Variants in ABCB11 observed in about 807,000 individuals in gnomAD.
The protein encoded by ABCB11 is ATP binding cassette subfamily B member 11.
In ABCB11, 95 loss-of-function variants were observed where a neutral mutation model predicts 148.0. That is an observed-to-expected ratio of 0.64 (90% confidence interval 0.54 to 0.76). The LOEUF is 0.76. Among genes scored for constraint, ABCB11 ranks in the 30% least tolerant of loss-of-function variants. The pLI, the probability that ABCB11 is intolerant of heterozygous loss-of-function variation, is 0.00. For synonymous variants in ABCB11, 591 were observed against 555.4 expected (o/e 1.06, Z -0.90); for missense variants, 1,523 against 1,617.8 (o/e 0.94, Z 1.01).
In ABCB11 at chr2:168,969,488, T is replaced by A; in HGVS notation, c.1873A>T (p.Thr625Ser). ...GTGCCATGTTCAAAACCAATGATGG[T>A]ATCTGCAGCTCTGACCGTAGACAAG... ...HRLSTVRAADTIIGFEHGTAV... is the reference protein window; with the variant it reads ...HRLSTVRAADSIIGFEHGTAV... The change falls in exon 16 of 28, where the codon ACC becomes TCC. Residue 625 changes from threonine to serine, a missense_variant. By Grantham distance (58) the Thr-to-Ser change is moderately conservative (BLOSUM62 1). Transcript: ENST00000650372. 1 of 1,612,616 alleles carries A rather than the reference T, an allele frequency of 6.2e-7. No homozygotes were observed. The highest frequency in any genetic ancestry group is 8.5e-7 in the Non-Finnish European group (1 of 1,179,218).
At chr2:168,976,742 C>G in intron 11 of ABCB11, 55 bp from the exon 12 acceptor site, 1 of 1,030,566 alleles carries the variant, frequency 9.7e-7, no homozygotes. Context: ...ATGCACAACT[C>G]AATTCAAATT....
chr2:168,920,117 C>A (rs890001093), downstream of ABCB11, among the ~76,000 whole-genome samples: 1 of 152,118 alleles, frequency 6.6e-6, no homozygotes, highest in Admixed American at 6.5e-5. Context: ...CCTCTTGCCT[C>A]GGCCTCCTAA....
chr2:168,921,254 A>G lies in ABCB11; in HGVS notation c.*2368T>C, dbSNP rs1691066837. Reference sequence around the variant, plus strand: ...AACTTGCTAAACCATCTTTGCTGTTATATACCAGGAAACACTGGAAAAGAG... The same window carrying G: ...AACTTGCTAAACCATCTTTGCTGTTGTATACCAGGAAACACTGGAAAAGAG... On this transcript the variant is annotated 3_prime_UTR_variant, in exon 28 of 28. Transcript: ENST00000650372. Among the ~76,000 whole-genome samples the G allele has an allele frequency of 6.6e-6, 1 of 152,208 alleles. No homozygotes were observed.
intron 19 of ABCB11, among the ~76,000 whole-genome samples, chr2:168,949,512 G>C (rs1045509643): frequency 6.6e-6 from 1 of 151,612 alleles, no homozygotes; most frequent in Admixed American, 6.6e-5. Context: ...TTCTGTCCAT[G>C]TTGCTGCAAA....
chr2:168,932,037 G>A (rs569249381), intron 24 of ABCB11, among the ~76,000 whole-genome samples: 1 of 151,906 alleles, frequency 6.6e-6, no homozygotes, highest in African/African-American at 2.4e-5. Flanking sequence ...TTTAAGTTCT[G>A]GGGTAGATGT....
At chr2:168,944,252 G>A (rs1350312906) in intron 21 of ABCB11, among the ~76,000 whole-genome samples, 1 of 149,946 alleles carries the variant, frequency 6.7e-6, no homozygotes, top group Non-Finnish European at 1.5e-5. Flanking sequence ...TGTGAGTAAG[G>A]AGACTTCCTT....
chr2:168,993,578 C>CT (rs1256323697), intron 8 of ABCB11, 133 bp downstream of exon 8: 12 of 785,872 alleles, frequency 1.5e-5, no homozygotes, highest in Non-Finnish European at 2.4e-5. Flanking sequence ...GGGGAGTAAT[C>CT]TAACAAACTA....
chr2:169,014,156 G>T, intron 4 of ABCB11, 147 bp downstream of exon 4: 1 of 757,382 alleles, frequency 1.3e-6, no homozygotes, highest in Non-Finnish European at 2.3e-6. Flanking sequence ...TATTCAGCAT[G>T]TTATCACATA....
At chr2:168,996,610 T>C (rs1429263762) in intron 6 of ABCB11, 25 bp downstream of exon 6, 10 of 1,369,874 alleles carry the variant, frequency 7.3e-6, no homozygotes, top group African/African-American at 1.5e-5. Flanking sequence ...TATTGATCTA[T>C]AAATTATACG....
At chr2:168,979,200 A>C (rs1479794630) in intron 11 of ABCB11, among the ~76,000 whole-genome samples, 1 of 152,060 alleles carries the variant, frequency 6.6e-6, no homozygotes, top group African/African-American at 2.4e-5. Flanking sequence ...ATTCAGTTGC[A>C]CTGGGCTTGT....
chr2:168,959,974 C>A (rs1238555523), intron 18 of ABCB11, among the ~76,000 whole-genome samples: 1 of 145,112 alleles, frequency 6.9e-6, no homozygotes, highest in Non-Finnish European at 1.5e-5. Context: ...AATATGAACA[C>A]TGTGATTCAG....
At position 168,953,418 on chromosome 2, in the gene ABCB11, T is replaced by C. The variant is rs59910929; in HGVS notation, c.2343+4546A>G. 2.3e-3 allele frequency among the ~76,000 whole-genome samples: 345 copies of C among 151,428 alleles called. 1 individual carries two copies. The highest frequency in any genetic ancestry group is 7.7e-3 in the African/African-American group (319 of 41,340). On this transcript the variant is annotated intron_variant, in intron 19 of 27. Coordinates refer to ENST00000650372, the MANE Select transcript of ABCB11 (RefSeq NM_003742.4). ...ATATATATTTAGAATTGTTATAACG[T>C]TTTGTTGAATTTATCATTACATAAT...
At position 168,968,131 on chromosome 2, in the gene ABCB11, T is replaced by TTTTC. The variant is rs4233822; in HGVS notation, c.2075+295_2075+296insGAAA. Reference sequence around the variant, plus strand: ...GGAGCAGAGGAACACTAAACACAGATTTTTTTTAAAAGAAGTCCCCTTTCT... The same window carrying TTTTC: ...GGAGCAGAGGAACACTAAACACAGATTTTCTTTTTTTAAAAGAAGTCCCCTTTCT... On this transcript the variant is annotated intron_variant, in intron 17 of 27. Coordinates refer to ENST00000650372, the MANE Select transcript of ABCB11 (RefSeq NM_003742.4). Among the ~76,000 whole-genome samples, 78,161 of 133,434 alleles carry TTTTC rather than the reference T, an allele frequency of 0.59. 20,711 individuals are homozygous for TTTTC. The highest frequency in any genetic ancestry group is 0.63 in the East Asian group (2,533 of 4,002). 87.5% of individuals were successfully genotyped at this position (133,434 alleles called of 152,430 possible).
rs760750012 is a variant in ABCB11 at position 168,971,935 on chromosome 2, C to T, written c.1550G>A (p.Arg517His). ...LFSTTIAENI[R>H]YGREDATMED... ...CATTGTTGCATCTTCTCTGCCATAG[C>T]GAATATTTTCTGCAATGGTGGTAGA... The change falls in exon 14 of 28, where the codon CGC (arginine) becomes CAC (histidine). Residue 517 changes from arginine (R) to histidine (H), a missense_variant. Coordinates refer to ENST00000650372, the MANE Select transcript of ABCB11 (RefSeq NM_003742.4). The T allele has an allele frequency of 1.1e-5, 18 of 1,612,856 alleles. No individual in the cohort carries two copies. The highest frequency in any genetic ancestry group is 6.7e-5 in the African/African-American group (5 of 74,802).
At chr2:168,971,733 G>T in intron 14 of ABCB11, 114 bp downstream of exon 14, 2 of 995,648 alleles carry the variant, frequency 2.0e-6, no homozygotes, top group Non-Finnish European at 3.0e-6. Flanking sequence ...ACTAAAACAT[G>T]GCTTAAGAAT....
intron 19 of ABCB11, among the ~76,000 whole-genome samples, chr2:168,948,582 C>T (rs1012518127): frequency 1.3e-5 from 2 of 151,536 alleles, no homozygotes; most frequent in African/African-American, 4.8e-5. Context: ...ATTCCCCAGT[C>T]CACAGCACCA....
intron 8 of ABCB11, among the ~76,000 whole-genome samples, chr2:168,992,281 C>T (rs1694553598): frequency 6.6e-6 from 1 of 151,934 alleles, no homozygotes; most frequent in Non-Finnish European, 1.5e-5. Flanking sequence ...AGAAACTAAG[C>T]GTTAGAGCTG....
intron 19 of ABCB11, among the ~76,000 whole-genome samples, chr2:168,948,613 T>C (rs975800177): frequency 6.6e-6 from 1 of 151,594 alleles, no homozygotes; most frequent in African/African-American, 2.4e-5. Flanking sequence ...AGACAATCAA[T>C]ACAGATCTGT....
chr2:168,973,685 T>A (rs745849198), intron 13 of ABCB11, 30 bp downstream of exon 13: 1 of 1,608,900 alleles, frequency 6.2e-7, no homozygotes, highest in African/African-American at 1.3e-5. Flanking sequence ...ACTGTCCCCA[T>A]GTATTGAGGA....
Sources: allele counts gnomAD v4.1 joint callset (sites outside exome capture counted in the v4.1 genomes callset), GRCh38; gene constraint gnomAD v4.1.1; transcripts MANE v1.5; gene names NCBI Gene and HGNC (gene_info 2026-07-23, HGNC 2026-07-21).